The following TTC39B variants were observed in gnomAD, a reference collection of about 807,000 sequenced individuals.
TTC39B encodes tetratricopeptide repeat protein 39B.
In TTC39B, 92 loss-of-function variants were observed where a neutral mutation model predicts 96.6. That is an observed-to-expected ratio of 0.95 (90% CI 0.80 to 1.13). The LOEUF (loss-of-function observed/expected upper bound fraction) is 1.13, where lower values mean the gene tolerates loss of function less well. TTC39B is among the 50% of genes most tolerant of loss of function. The probability of loss-of-function intolerance (pLI) is 0.00; values close to 1 mark genes in which losing one functional copy is unlikely to be tolerated. For synonymous variants in TTC39B, 367 were observed against 299.4 expected (o/e 1.23, Z -2.33); for missense variants, 955 against 809.3 (o/e 1.18, Z -2.18).
intron 8 of TTC39B, among the ~76,000 whole-genome samples, chr9:15,197,632 C>A (rs1200996209): frequency 6.6e-6 from 1 of 151,174 alleles, no homozygotes; most frequent in African/African-American, 2.4e-5. Context: ...AAGAATGGGG[C>A]AGAAAAAAAA....
At chr9:15,172,718 C>A (rs1817727243) in intron 19 of TTC39B, among the ~76,000 whole-genome samples, 1 of 152,038 alleles carries the variant, frequency 6.6e-6, no homozygotes, top group African/African-American at 2.4e-5. Context: ...CTCCCTTTAC[C>A]AGAATTGTTA....
chr9:15,279,346 A>G (rs976702456), intron 1 of TTC39B, among the ~76,000 whole-genome samples: 22 of 152,346 alleles, frequency 1.4e-4, no homozygotes, highest in South Asian at 4.1e-4. Context: ...TATCCACTCA[A>G]TATGAGTGTT....
At chr9:15,193,216 T>C (rs1818961072) in intron 8 of TTC39B, among the ~76,000 whole-genome samples, 1 of 152,250 alleles carries the variant, frequency 6.6e-6, no homozygotes. Flanking sequence ...ATCTGTCCTC[T>C]GCTTTCTTCC....
At chr9:15,287,617 T>G (rs1824019865) in intron 1 of TTC39B, among the ~76,000 whole-genome samples, 1 of 152,118 alleles carries the variant, frequency 6.6e-6, no homozygotes, top group African/African-American at 2.4e-5. Context: ...AGGGGCACCT[T>G]CATTTAAGTT....
At chr9:15,289,933 C>G (rs1236332725) in intron 1 of TTC39B, among the ~76,000 whole-genome samples, 1 of 152,034 alleles carries the variant, frequency 6.6e-6, no homozygotes, top group African/African-American at 2.4e-5. Flanking sequence ...GCCCTTGACC[C>G]CCCTGATGAT....
exon 5 of TTC39B, chr9:15,211,361 A>C: frequency 6.3e-7 from 1 of 1,594,874 alleles, no homozygotes; most frequent in Non-Finnish European, 8.5e-7. Context: ...CCACAATGGT[A>C]CTGTAGCCCA....
At chr9:15,241,030 C>T (rs1185198936) in intron 2 of TTC39B, among the ~76,000 whole-genome samples, 1 of 152,144 alleles carries the variant, frequency 6.6e-6, no homozygotes, top group Non-Finnish European at 1.5e-5. Flanking sequence ...TCATAGGAAG[C>T]TAAGAGATGG....
chr9:15,223,817 T>C (rs1358288892), intron 3 of TTC39B, among the ~76,000 whole-genome samples: 1 of 151,884 alleles, frequency 6.6e-6, no homozygotes, highest in East Asian at 1.9e-4. Flanking sequence ...AATCTGAAAC[T>C]TTTTGAGCAC....
intron 18 of TTC39B, among the ~76,000 whole-genome samples, chr9:15,175,968 T>C (rs922293336): frequency 3.3e-5 from 5 of 152,202 alleles, no homozygotes; most frequent in African/African-American, 1.2e-4. Context: ...AGTTGTCTCC[T>C]TGGCCAGCAC....
At chr9:15,198,327 T>A (rs912437677) in intron 8 of TTC39B, among the ~76,000 whole-genome samples, 1 of 151,846 alleles carries the variant, frequency 6.6e-6, no homozygotes, top group African/African-American at 2.4e-5. Context: ...CGTGGTGGTA[T>A]GTGCCTGTAG....
intron 4 of TTC39B, among the ~76,000 whole-genome samples, chr9:15,211,765 T>A (rs966581327): frequency 6.6e-6 from 1 of 152,222 alleles, no homozygotes; most frequent in Non-Finnish European, 1.5e-5. Flanking sequence ...ATGTATTTTT[T>A]GACAGAGAGA....
chr9:15,216,176 G>C (rs148525090), intron 3 of TTC39B, among the ~76,000 whole-genome samples: 313 of 152,226 alleles, frequency 2.1e-3, no homozygotes, highest in Middle Eastern at 6.8e-3. Context: ...AAAGTATCTT[G>C]TGCATGTAGC....
At chr9:15,271,041 T>G (rs78002757) in intron 1 of TTC39B, among the ~76,000 whole-genome samples, 6,627 of 148,314 alleles carry the variant, frequency 0.045, 177 homozygotes, top group South Asian at 0.076. Context: ...CATTACACAG[T>G]GAAGAAACTG....
At chr9:15,222,146 C>T (rs1021155496) in intron 3 of TTC39B, among the ~76,000 whole-genome samples, 4 of 152,118 alleles carry the variant, frequency 2.6e-5, no homozygotes, top group Admixed American at 6.5e-5. Context: ...TAAGAGGGAT[C>T]GTTCCAAGAG....
exon 20 of TTC39B, chr9:15,166,328 A>T (rs1408438973): frequency 6.6e-6 from 1 of 152,222 alleles, no homozygotes; most frequent in South Asian, 2.1e-4. Context: ...TGCTAAACAC[A>T]TATCATGGGT....
intron 16 of TTC39B, among the ~76,000 whole-genome samples, chr9:15,184,776 T>C (rs1818430760): frequency 6.6e-6 from 1 of 152,218 alleles, no homozygotes; most frequent in African/African-American, 2.4e-5. Flanking sequence ...TGGTTCAATA[T>C]GAAAGAATGT....
At chr9:15,270,201 C>G (rs1335080257) in intron 1 of TTC39B, among the ~76,000 whole-genome samples, 1 of 151,904 alleles carries the variant, frequency 6.6e-6, no homozygotes, top group African/African-American at 2.4e-5. Flanking sequence ...TAAACAGTGG[C>G]AGAACTGAGT....
chr9:15,239,580 T>C (rs1279013757), intron 2 of TTC39B, among the ~76,000 whole-genome samples: 2 of 152,242 alleles, frequency 1.3e-5, no homozygotes, highest in Non-Finnish European at 2.9e-5. Flanking sequence ...GAATACTATG[T>C]AGCCACAAAA....
At chr9:15,166,681 G>A (rs1397390397) in exon 20 of TTC39B, 1 of 151,772 alleles carries the variant, frequency 6.6e-6, no homozygotes, top group Non-Finnish European at 1.5e-5. Context: ...ACCAACAATA[G>A]GCAGCAGAAA....
Sources: gnomAD v4.1 joint callset for allele counts (sites outside exome capture counted in the v4.1 genomes callset) on GRCh38, gnomAD v4.1.1 for gene constraint, MANE v1.5 for transcripts, NCBI Gene and HGNC (gene_info 2026-07-23, HGNC 2026-07-21) for gene names.